The following OPCML variants were observed in gnomAD, a reference collection of about 807,000 sequenced individuals.
OPCML encodes opioid-binding protein/cell adhesion molecule.
OPCML carries 13 observed loss-of-function variants against 37.8 expected under a neutral mutation model. The observed-to-expected ratio is 0.34, with a 90% confidence interval of 0.22 to 0.55. OPCML has a LOEUF of 0.55. Ranked by LOEUF, OPCML falls within the 20% of genes least tolerant of loss-of-function variation. The pLI is 0.91. For missense variants in OPCML, 341 were observed against 435.6 expected, an observed-to-expected ratio of 0.78 and a Z score of 1.93; for synonymous variants, 176 against 168.8, an observed-to-expected ratio of 1.04 and a Z score of -0.33.
At chr11:132,807,031 C>G (rs577662702) in intron 2 of OPCML, among the ~76,000 whole-genome samples, 1 of 151,948 alleles carries the variant, frequency 6.6e-6, no homozygotes, top group Non-Finnish European at 1.5e-5. Flanking sequence ...ACGGAATGCT[C>G]GCAGAGAAAT....
intron 2 of OPCML, among the ~76,000 whole-genome samples, chr11:132,828,681 C>T (rs987355691): frequency 6.6e-6 from 1 of 152,082 alleles, no homozygotes; most frequent in Admixed American, 6.5e-5. Flanking sequence ...ATGTCATAGG[C>T]AAATGACAAA....
At chr11:132,576,190 T>C (rs192666440) in intron 3 of OPCML, among the ~76,000 whole-genome samples, 16 of 152,288 alleles carry the variant, frequency 1.1e-4, no homozygotes, top group East Asian at 7.7e-4. Flanking sequence ...TAGATGTCCA[T>C]TTCCTTCTCC....
At chr11:133,077,525 A>G (rs995766992) in intron 1 of OPCML, among the ~76,000 whole-genome samples, 1 of 152,238 alleles carries the variant, frequency 6.6e-6, no homozygotes, top group African/African-American at 2.4e-5. Flanking sequence ...TTTGTGAACT[A>G]GAACTCGGTA....
intron 1 of OPCML, among the ~76,000 whole-genome samples, chr11:133,224,607 A>G (rs1460422176): frequency 6.6e-6 from 1 of 152,236 alleles, no homozygotes; most frequent in Non-Finnish European, 1.5e-5. Flanking sequence ...ATTCCAGGCA[A>G]GGGCTCACCC....
At chr11:132,554,543 T>C (rs1211425206) in intron 3 of OPCML, among the ~76,000 whole-genome samples, 1 of 152,208 alleles carries the variant, frequency 6.6e-6, no homozygotes, top group Non-Finnish European at 1.5e-5. Context: ...ACAAAACAAG[T>C]TGGCCTGGAT....
chr11:133,203,037 C>T (rs1938869717), intron 1 of OPCML, among the ~76,000 whole-genome samples: 1 of 152,316 alleles, frequency 6.6e-6, no homozygotes, highest in East Asian at 1.9e-4. Flanking sequence ...TCTGCTGTTA[C>T]ATAGGAGGTG....
chr11:132,737,050 A>T (rs1251378205), intron 2 of OPCML, among the ~76,000 whole-genome samples: 1 of 152,222 alleles, frequency 6.6e-6, no homozygotes, highest in East Asian at 1.9e-4. Context: ...GAACATCTCA[A>T]ATCAAGGTGT....
chr11:132,750,758 G>A (rs1417572549), intron 2 of OPCML, among the ~76,000 whole-genome samples: 2 of 151,754 alleles, frequency 1.3e-5, no homozygotes. Context: ...ACAAATACTT[G>A]CCTTGGCAAT....
intron 2 of OPCML, among the ~76,000 whole-genome samples, chr11:132,937,553 T>TGTGTGTGTGGA (rs1270187435): frequency 6.8e-6 from 1 of 146,386 alleles, no homozygotes; most frequent in African/African-American, 2.5e-5. Flanking sequence ...GTGTGTGGAG[T>TGTGTGTGTGGA]GTGTGTGTGT....
chr11:132,441,791 C>T (rs1359602183), intron 4 of OPCML, among the ~76,000 whole-genome samples: 6 of 152,138 alleles, frequency 3.9e-5, no homozygotes, highest in East Asian at 1.9e-4. Flanking sequence ...GCCATTCATC[C>T]GGGGATGTGG....
chr11:133,148,317 A>C (rs1949926844), intron 1 of OPCML, among the ~76,000 whole-genome samples: 1 of 152,124 alleles, frequency 6.6e-6, no homozygotes, highest in African/African-American at 2.4e-5. Context: ...TGATCAGATA[A>C]TTTGTACTGA....
chr11:133,267,628 A>G (rs1233153984), intron 1 of OPCML, among the ~76,000 whole-genome samples: 1 of 152,078 alleles, frequency 6.6e-6, no homozygotes, highest in African/African-American at 2.4e-5. Flanking sequence ...TTTAAATTTT[A>G]ACTCCCTGAC....
intron 3 of OPCML, among the ~76,000 whole-genome samples, chr11:132,543,096 T>G (rs1459465548): frequency 1.3e-5 from 2 of 152,192 alleles, no homozygotes; most frequent in African/African-American, 4.8e-5. Context: ...GGATCATTCT[T>G]CCATTGGGTA....
intron 1 of OPCML, among the ~76,000 whole-genome samples, chr11:133,103,446 A>G (rs1299534511): frequency 3.3e-5 from 5 of 152,224 alleles, no homozygotes; most frequent in South Asian, 2.1e-4. Flanking sequence ...TTTGCATTCA[A>G]CTTCCTGAGT....
intron 1 of OPCML, among the ~76,000 whole-genome samples, chr11:133,100,950 A>C (rs1261923843): frequency 6.6e-6 from 1 of 152,114 alleles, no homozygotes; most frequent in Admixed American, 6.6e-5. Flanking sequence ...TTTTGAACGG[A>C]GTCTTGCTCT....
chr11:132,679,632 G>A (rs1222519026), intron 2 of OPCML, among the ~76,000 whole-genome samples: 1 of 152,220 alleles, frequency 6.6e-6, no homozygotes, highest in Non-Finnish European at 1.5e-5. Flanking sequence ...ATAGGTATGG[G>A]ATTAACCTGG....
intron 1 of OPCML, among the ~76,000 whole-genome samples, chr11:132,946,256 C>T (rs1388557351): frequency 6.6e-6 from 1 of 152,144 alleles, no homozygotes; most frequent in Non-Finnish European, 1.5e-5. Context: ...ATGGCAATGC[C>T]TTCTTCTAAA....
intron 1 of OPCML, among the ~76,000 whole-genome samples, chr11:133,075,267 G>A (rs1948604529): frequency 6.6e-6 from 1 of 152,174 alleles, no homozygotes; most frequent in Non-Finnish European, 1.5e-5. Context: ...CCTGCTATGT[G>A]CTCACCAGCC....
intron 1 of OPCML, among the ~76,000 whole-genome samples, chr11:132,954,484 T>C (rs913804337): frequency 3.9e-5 from 6 of 152,168 alleles, no homozygotes; most frequent in Non-Finnish European, 8.8e-5. Flanking sequence ...TATGACTGAC[T>C]GCCATGTGGC....
Sources: allele counts gnomAD v4.1 joint callset (sites outside exome capture counted in the v4.1 genomes callset), GRCh38; gene constraint gnomAD v4.1.1; transcripts MANE v1.5; gene names NCBI Gene and HGNC (gene_info 2026-07-23, HGNC 2026-07-21).